Variants in HSPA4L observed in about 807,000 individuals in gnomAD.
The protein encoded by HSPA4L is heat shock 70 kDa protein 4L.
In HSPA4L, 48 loss-of-function variants were observed where a neutral mutation model predicts 100.3. The observed-to-expected ratio is 0.48, with a 90% CI of 0.38 to 0.61. The LOEUF (loss-of-function observed/expected upper bound fraction) is 0.61. Among genes scored for constraint, HSPA4L ranks in the 20% least tolerant of loss-of-function variants. The pLI is 0.00. For missense variants in HSPA4L, 886 were observed against 988.6 expected (o/e 0.90, Z 1.39); for synonymous variants, 319 against 328.2 (o/e 0.97, Z 0.30).
chr4:127,805,053 C>T lies in HSPA4L; in HGVS notation c.986-20C>T, dbSNP rs1733311642. 3.2e-6 allele frequency: 5 copies of T among 1,538,754 alleles called. No homozygotes were observed. The highest frequency in any genetic ancestry group is 4.4e-6 in the Non-Finnish European group (5 of 1,135,256). On this transcript the variant is annotated intron_variant, in intron 8 of 18. Coordinates refer to ENST00000296464, the MANE Select transcript of HSPA4L (RefSeq NM_014278.4). ...GATTTTTAAAGACTATCATTTTTCT[C>T]AATTAAAAAAATTTTCCAGACTTAC...
rs1466720375 is a variant in HSPA4L, at chr4:127,838,498, A to G, written c.*5624A>G. The G allele has an allele frequency of 6.6e-6, 1 of 152,246 alleles. No homozygotes were observed. The highest frequency in any genetic ancestry group is 1.5e-5 in the Non-Finnish European group (1 of 68,038). 9.4% of individuals were successfully genotyped at this position (152,246 alleles called of 1,614,324 possible). A position where few individuals can be genotyped will look rare whatever the true frequency, so the allele number is the denominator to read the frequency against. ...GTCTGTCAGGCAAGTACAAATCCAT[A>G]ACAAAAAAAATTAATAGTATGCTCT... On this transcript the variant is annotated 3_prime_UTR_variant, in exon 19 of 19. Coordinates refer to ENST00000296464, the MANE Select transcript of HSPA4L (RefSeq NM_014278.4).
chr4:127,804,337 G>T (rs2148786186), intron 8 of HSPA4L, among the ~76,000 whole-genome samples: 1 of 152,020 alleles, frequency 6.6e-6, no homozygotes. Flanking sequence ...CAAGCACGGT[G>T]GATCATGCCT....
rs1484316106 is a variant in HSPA4L, at chr4:127,823,906, A to C, written c.2046+282A>C. Reference sequence around the variant, plus strand: ...TTTTCAAATATACAGTATATTGTTAAGTATATATGGTAACTGTGGTTACCA... The same window carrying C: ...TTTTCAAATATACAGTATATTGTTACGTATATATGGTAACTGTGGTTACCA... On this transcript the variant is annotated intron_variant, in intron 16 of 18. Transcript: ENST00000296464. 1.3e-5 allele frequency among the ~76,000 whole-genome samples: 2 copies of C among 152,222 alleles called. 1 individual carries two copies. Among genetic ancestry groups the C allele is most frequent in the Non-Finnish European group, 2.9e-5 (2 of 68,042 alleles).
intron 17 of HSPA4L, among the ~76,000 whole-genome samples, chr4:127,828,960 T>C (rs1184573240): frequency 6.6e-6 from 1 of 152,192 alleles, no homozygotes; most frequent in East Asian, 1.9e-4. Context: ...GACTGAACTA[T>C]ATTGTCAAAC....
At chr4:127,785,462 A>G (rs906683890) in intron 1 of HSPA4L, among the ~76,000 whole-genome samples, 2 of 150,234 alleles carry the variant, frequency 1.3e-5, no homozygotes, top group African/African-American at 4.9e-5. Context: ...TTTAAGACGT[A>G]GTCTTGCTCT....
intron 11 of HSPA4L, chr4:127,809,086 A>G: frequency 1.7e-6 from 1 of 578,224 alleles, no homozygotes; most frequent in Non-Finnish European, 3.1e-6. Flanking sequence ...TTGGAAGGTG[A>G]GGCGGTCCCG....
chr4:127,802,336 T>C (rs534972070), intron 6 of HSPA4L, among the ~76,000 whole-genome samples: 6 of 152,340 alleles, frequency 3.9e-5, no homozygotes, highest in Non-Finnish European at 8.8e-5. Context: ...ATTTTACTTC[T>C]GTGTGCTTCT....
intron 10 of HSPA4L, among the ~76,000 whole-genome samples, chr4:127,807,482 T>G (rs1446441867): frequency 2.0e-5 from 3 of 152,076 alleles, no homozygotes; most frequent in Admixed American, 2.0e-4. Flanking sequence ...AGGAAAAATA[T>G]ATACAGAAAG....
intron 8 of HSPA4L, among the ~76,000 whole-genome samples, chr4:127,804,512 C>T (rs1039976438): frequency 5.3e-5 from 8 of 151,726 alleles, no homozygotes; most frequent in Admixed American, 2.6e-4. Context: ...AGGCTGAGGC[C>T]GGAGAATCAC....
chr4:127,820,576 C>T lies in HSPA4L; in HGVS notation c.1812+11C>T. On this transcript the variant is annotated intron_variant, in intron 14 of 18. Transcript: ENST00000296464. ...TACATTGAAAATGAGGTATGTAAAT[C>T]TGAGTTGATGCTGAAATAGGTGGTA... 1 of 1,589,862 alleles carries T rather than the reference C, an allele frequency of 6.3e-7. No homozygotes were observed. Among genetic ancestry groups the T allele is most frequent in the Non-Finnish European group, 8.5e-7 (1 of 1,172,142 alleles).
chr4:127,812,424 A>C (rs1046471133), intron 12 of HSPA4L, among the ~76,000 whole-genome samples: 1 of 151,736 alleles, frequency 6.6e-6, no homozygotes, highest in African/African-American at 2.4e-5. Flanking sequence ...AAAAAAACAA[A>C]AAAAAAAACA....
At chr4:127,806,023 A>G (rs1002163288) in intron 10 of HSPA4L, among the ~76,000 whole-genome samples, 1 of 152,016 alleles carries the variant, frequency 6.6e-6, no homozygotes, top group Non-Finnish European at 1.5e-5. Flanking sequence ...AATAAATCAC[A>G]GTATAGAAGT....
intron 1 of HSPA4L, among the ~76,000 whole-genome samples, chr4:127,786,667 A>G (rs1208859682): frequency 1.3e-5 from 2 of 152,152 alleles, no homozygotes; most frequent in Non-Finnish European, 2.9e-5. Context: ...AGGTCTTGCC[A>G]TATTGCCTAG....
chr4:127,811,378 A>G (rs985167279), intron 11 of HSPA4L, 59 bp from the exon 12 acceptor site: 21 of 1,276,214 alleles, frequency 1.6e-5, no homozygotes, highest in South Asian at 5.0e-5. Context: ...AAATTATTCA[A>G]TGAATTGAAT....
intron 16 of HSPA4L, among the ~76,000 whole-genome samples, chr4:127,825,970 C>T (rs1733941077): frequency 1.3e-5 from 2 of 151,344 alleles, no homozygotes; most frequent in Non-Finnish European, 2.9e-5. Context: ...AGCCAAGCAG[C>T]TGAGGCCAGT....
chr4:127,824,973 A>G (rs1007817681), intron 16 of HSPA4L, among the ~76,000 whole-genome samples: 2 of 150,658 alleles, frequency 1.3e-5, no homozygotes, highest in Non-Finnish European at 3.0e-5. Context: ...TGTCTCTACT[A>G]AAAAAAAATA....
At chr4:127,803,162 G>A (rs1331975237) in intron 6 of HSPA4L, among the ~76,000 whole-genome samples, 1 of 151,834 alleles carries the variant, frequency 6.6e-6, no homozygotes, top group African/African-American at 2.4e-5. Context: ...CTGTTTTTTT[G>A]TAATAGTCAA....
At chr4:127,784,498 T>C (rs1032620710) in intron 1 of HSPA4L, among the ~76,000 whole-genome samples, 1 of 152,222 alleles carries the variant, frequency 6.6e-6, no homozygotes, top group Admixed American at 6.5e-5. Flanking sequence ...TTCTGATTTG[T>C]GTGCTAGAAA....
At chr4:127,781,922 A>C (rs1237272308), upstream of HSPA4L, 1 of 389,916 alleles carries the variant, frequency 2.6e-6, no homozygotes, top group Non-Finnish European at 5.3e-6. Context: ...CCGCCGTGAC[A>C]AGCACGCCTC....
Sources: allele counts gnomAD v4.1 joint callset (sites outside exome capture counted in the v4.1 genomes callset), GRCh38; gene constraint gnomAD v4.1.1; transcripts MANE v1.5; gene names NCBI Gene and HGNC (gene_info 2026-07-23, HGNC 2026-07-21).